The following NOTUM variants were observed in gnomAD, a reference collection of about 807,000 sequenced individuals.
The protein encoded by NOTUM is palmitoleoyl-protein carboxylesterase NOTUM.
A neutral mutation model predicts 65.5 loss-of-function variants in NOTUM; 36 were observed. The ratio of observed to expected loss-of-function variants is 0.55; its 90% CI spans 0.42 to 0.73. NOTUM has a LOEUF of 0.73. NOTUM is among the 30% of genes least tolerant of loss of function. The pLI is 0.00. For missense variants in NOTUM, 659 were observed against 694.2 expected (o/e 0.95, Z 0.57); for synonymous variants, 356 against 297.9 (o/e 1.20, Z -2.01).
chr17:81,958,519 C>G, intron 4 of NOTUM, 126 bp from the exon 5 acceptor site: 1 of 681,050 alleles, frequency 1.5e-6, no homozygotes, highest in Non-Finnish European at 2.6e-6. Flanking sequence ...AGGACCATCC[C>G]AGGATAGAAC....
chr17:81,957,092 C>T lies in NOTUM; in HGVS notation c.696-18G>A, dbSNP rs779741644. ...CCCCCGCGCTGCAAGGAGGGCCAGACGTGAGGCCAGGTGGCTGGGAAGAGG... is the reference window on the plus strand; with the variant it reads ...CCCCCGCGCTGCAAGGAGGGCCAGATGTGAGGCCAGGTGGCTGGGAAGAGG... On this transcript the variant is annotated intron_variant, in intron 6 of 10. Transcript: ENST00000409678. The T allele has an allele frequency of 5.7e-6, 9 of 1,585,136 alleles. No homozygotes were observed. The highest frequency in any genetic ancestry group is 3.4e-5 in the Admixed American group (2 of 58,966).
At chr17:81,959,444 A>C (rs1240065714) in intron 3 of NOTUM, 27 bp downstream of exon 3, 1 of 1,520,898 alleles carries the variant, frequency 6.6e-7, no homozygotes, top group Non-Finnish European at 8.9e-7. Context: ...TCACGTCGAG[A>C]CGCCTTCCCC....
Position 81,956,708 on chromosome 17 carries a change from G to T in NOTUM, c.930C>A (p.Phe310Leu). Residue 310 changes from phenylalanine to leucine, a missense_variant, in exon 8 of 11, where the codon TTC becomes TTA. By Grantham distance (22) the Phe-to-Leu change is conservative. Coordinates refer to ENST00000409678, the MANE Select transcript of NOTUM (RefSeq NM_178493.6). ...GVVPERCRRQFQEGEEWNCFF... is the reference protein window; with the variant it reads ...GVVPERCRRQLQEGEEWNCFF... ...AGCAGTTCCACTCCTCGCCCTCCTG[G>T]AACTGGCGTCGGCAGCGCTCCGGGA... is the stretch of plus-strand genomic sequence containing the variant. 1 of 1,613,032 alleles carries T rather than the reference G, an allele frequency of 6.2e-7. No individual in the cohort carries two copies. Among genetic ancestry groups the T allele is most frequent in the South Asian group, 1.1e-5 (1 of 91,078 alleles).
intron 2 of NOTUM, 22 bp from the exon 3 acceptor site, chr17:81,959,588 A>AGGCCC: frequency 6.5e-7 from 1 of 1,547,248 alleles, no homozygotes; most frequent in East Asian, 2.4e-5. Flanking sequence ...ACCGCCGCTC[A>AGGCCC]GGCCCGCGCG....
chr17:81,952,998 G>C lies in NOTUM; in HGVS notation c.1454C>G (p.Pro485Arg). ...GCTCAGCATCCCCAGCAGCTCACTG[G>C]GCTCCAGTCCCTGCGGCTGGGCCAC... Reference protein sequence around the residue: ...QTVAQPQGLEPSELLGMLSNG... With the variant: ...QTVAQPQGLERSELLGMLSNG... Residue 485 changes from proline (P) to arginine (R), a missense_variant, in exon 11 of 11, where the codon CCC becomes CGC. Coordinates refer to ENST00000409678, the MANE Select transcript of NOTUM (RefSeq NM_178493.6). The C allele has an allele frequency of 1.9e-6, 3 of 1,613,976 alleles. No individual in the cohort carries two copies. The highest frequency in any genetic ancestry group is 2.5e-6 in the Non-Finnish European group (3 of 1,180,008).
intron 2 of NOTUM, 25 bp downstream of exon 2, chr17:81,959,615 C>A: frequency 1.3e-6 from 2 of 1,543,450 alleles, no homozygotes; most frequent in Non-Finnish European, 1.7e-6. Flanking sequence ...CCCCCGGCCT[C>A]CCCCCGCCTC....
intron 3 of NOTUM, 109 bp from the exon 4 acceptor site, chr17:81,959,104 G>A (rs2041454992): frequency 2.2e-6 from 2 of 926,226 alleles, no homozygotes; most frequent in Non-Finnish European, 3.5e-6. Context: ...AGGAAGGGAG[G>A]TGTGCTGGTG....
Position 81,955,431 on chromosome 17 carries a change from C to T in NOTUM, c.1102G>A (p.Gly368Ser), listed in dbSNP as rs528350439. 1.6e-5 allele frequency: 25 copies of T among 1,597,426 alleles called. No individual in the cohort carries two copies. Among genetic ancestry groups the T allele is most frequent in the Admixed American group, 3.4e-5 (2 of 58,146 alleles). ...TTGAGTGTGTGGCGCAGCTCGCGGC[C>T]GAGGTTCTGGATGTACAGCCGCAGG... ...EGLRLYIQNL[G>S]RELRHTLKDV... The change falls in exon 9 of 11, where the codon GGC becomes AGC. Residue 368 changes from glycine (G) to serine (S), a missense_variant. Physicochemically the swap from Gly to Ser is moderately conservative, Grantham distance 56. Transcript: ENST00000409678.
intron 5 of NOTUM, 39 bp downstream of exon 5, chr17:81,958,296 G>A (rs767340754): frequency 6.2e-6 from 9 of 1,452,126 alleles, no homozygotes; most frequent in East Asian, 4.5e-5. Context: ...ATCCGGCCCC[G>A]TCCCTGCCCT....
intron 10 of NOTUM, 48 bp downstream of exon 10, chr17:81,954,208 T>C (rs760779347): frequency 2.1e-6 from 3 of 1,404,758 alleles, no homozygotes; most frequent in Non-Finnish European, 3.0e-6. Context: ...ATGTGGACTT[T>C]TGAAGTTGAT....
Position 81,957,063 on chromosome 17 carries a change from G to A in NOTUM, c.707C>T (p.Thr236Ile). 5 of 1,603,194 alleles carry A rather than the reference G, an allele frequency of 3.1e-6. No homozygotes were observed. The highest frequency in any genetic ancestry group is 4.2e-6 in the Non-Finnish European group (5 of 1,178,616). The change falls in exon 7 of 11, where the codon ACC (threonine) becomes ATC (isoleucine). Residue 236 changes from threonine to isoleucine, a missense_variant. Transcript: ENST00000409678. Reference protein sequence around the residue: ...LLLAGSSAGGTGVLLNVDRVA... With the variant: ...LLLAGSSAGGIGVLLNVDRVA... ...ACGGTCCACATTCAGGAGCACCCCG[G>A]TGCCCCCCGCGCTGCAAGGAGGGCC...
In NOTUM at chr17:81,956,946, C is replaced by A; in HGVS notation, c.824G>T (p.Arg275Leu). Residue 275 changes from arginine (R) to leucine (L), a missense_variant, in exon 7 of 11, where the codon CGC (arginine) becomes CTC (leucine). Physicochemically the swap from Arg to Leu is moderately radical, Grantham distance 102 (BLOSUM62 -2). Coordinates refer to ENST00000409678, the MANE Select transcript of NOTUM (RefSeq NM_178493.6). The part of the protein sequence containing the change: ...SGWFLDNKQY[R>L]HTDCVDTITC... ...GATCGTGTCGACGCAGTCTGTGTGG[C>A]GATACTGCTTGTTGTCCAGGAACCA... 3.1e-6 allele frequency: 5 copies of A among 1,613,282 alleles called. No homozygotes were observed. Among genetic ancestry groups the A allele is most frequent in the African/African-American group, 1.3e-5 (1 of 75,042 alleles).
intron 5 of NOTUM, 99 bp downstream of exon 5, chr17:81,958,236 C>T (rs1290714200): frequency 3.7e-6 from 3 of 804,142 alleles, no homozygotes; most frequent in Non-Finnish European, 6.4e-6. Flanking sequence ...AGAACCCCTG[C>T]CGTCCCGCCT....
In NOTUM at chr17:81,954,240, G is replaced by T; in HGVS notation, c.1184+16C>A. ...TGATGTCATGGACGCAAGCTGCCCG[G>T]AGCAGGGACACTGACCTCCGGATGA... On this transcript the variant is annotated intron_variant, in intron 10 of 10. Transcript: ENST00000409678. 1 of 1,602,358 alleles carries T rather than the reference G, an allele frequency of 6.2e-7. No homozygotes were observed. The highest frequency in any genetic ancestry group is 8.6e-7 in the Non-Finnish European group (1 of 1,169,290).
At chr17:81,958,467 G>T in intron 4 of NOTUM, 74 bp from the exon 5 acceptor site, 1 of 976,786 alleles carries the variant, frequency 1.0e-6, no homozygotes, top group Non-Finnish European at 1.6e-6. Flanking sequence ...CCCCAGAACA[G>T]GACCCTCAGA....
At chr17:81,956,412 G>A (rs1039910409) in intron 8 of NOTUM, among the ~76,000 whole-genome samples, 2 of 152,090 alleles carry the variant, frequency 1.3e-5, no homozygotes, top group Admixed American at 6.6e-5. Context: ...GCAAGTCCCA[G>A]GCATGCCGCA....
rs950017111 is a variant in NOTUM at position 81,960,722 on chromosome 17, A to G, written c.188T>C (p.Met63Thr). ...CTTGACTTGCGCCATGAAGCTGTCC[A>G]TGTTACCCTCCACGGCCGTGAAGTC... Reference protein sequence around the residue: ...PLDFTAVEGNMDSFMAQVKSL... With the variant: ...PLDFTAVEGNTDSFMAQVKSL... Residue 63 changes from methionine to threonine, a missense_variant, in exon 1 of 11, where the codon ATG (methionine) becomes ACG (threonine). Physicochemically the swap from Met to Thr is moderately conservative, Grantham distance 81. Coordinates refer to ENST00000409678, the MANE Select transcript of NOTUM (RefSeq NM_178493.6). The surrounding 1 kb of genome is among the most constrained non-coding windows in gnomAD (Gnocchi z 6.4). 2 of 1,603,520 alleles carry G rather than the reference A, an allele frequency of 1.2e-6. No individual in the cohort carries two copies. The highest frequency in any genetic ancestry group is 1.7e-6 in the Non-Finnish European group (2 of 1,175,804).
At chr17:81,958,230 CCCCTGCCGTCCCGCCTCATCCCTG>C in intron 5 of NOTUM, 81 bp downstream of exon 5, 5 of 773,158 alleles carry the variant, frequency 6.5e-6, no homozygotes, top group Admixed American at 2.0e-5. Context: ...TTCCCCAGAA[CCCCTGCCGTCCCGCCTCATCCCTG>C]CCCTGCCGTC....
chr17:81,959,705 A>G lies in NOTUM; in HGVS notation c.324-13T>C, dbSNP rs1010323322. The G allele has an allele frequency of 6.8e-6, 10 of 1,461,594 alleles. No homozygotes were observed. The highest frequency in any genetic ancestry group is 8.2e-6 in the Non-Finnish European group (9 of 1,103,640). The allele number at this position is 1,461,594 out of a possible 1,614,324, so 90.5% of individuals were successfully genotyped here. On this transcript the variant is annotated splice_polypyrimidine_tract_variant and intron_variant, in intron 1 of 10. Transcript: ENST00000409678. ...CTTCAGGTAGTAGCTGCGGGGGAGG[A>G]CGCACCGCGGGGGGTCGGCCAGGGC...
Sources: gnomAD v4.1 joint callset for allele counts (sites outside exome capture counted in the v4.1 genomes callset) on GRCh38, gnomAD v4.1.1 for gene constraint, Gnocchi (gnomAD v3.1) non-coding constraint, MANE v1.5 for transcripts, NCBI Gene and HGNC (gene_info 2026-07-23, HGNC 2026-07-21) for gene names.